CENPE: variants seen among roughly 807,000 people sequenced by gnomAD.
CENPE encodes centromere-associated protein E.
A neutral mutation model predicts 336.1 loss-of-function variants in CENPE; 145 were observed. The observed-to-expected ratio is 0.43, with a 90% confidence interval of 0.38 to 0.50. The LOEUF (loss-of-function observed/expected upper bound fraction) is 0.50, where lower values mean the gene tolerates loss of function less well. CENPE is among the 20% of genes least tolerant of loss of function. The pLI, the probability that CENPE is intolerant of heterozygous loss-of-function variation, is 0.00. For synonymous variants in CENPE, 1,013 were observed against 984.8 expected (o/e 1.03, Z -0.54); for missense variants, 2,719 against 3,023.3 (o/e 0.90, Z 2.36).
At chr4:103,145,386 C>A in intron 31 of CENPE, 52 bp from the exon 32 acceptor site, 1 of 1,349,196 alleles carries the variant, frequency 7.4e-7, no homozygotes, top group Non-Finnish European at 1.0e-6. Context: ...TGTAAACACA[C>A]ACACACACAT....
intron 45 of CENPE, 71 bp from the exon 46 acceptor site, chr4:103,114,623 T>C (rs915012516): frequency 2.2e-6 from 2 of 922,464 alleles, no homozygotes; most frequent in South Asian, 1.4e-5. Context: ...ACAGAACTGC[T>C]GTGAAGGATT....
intron 47 of CENPE, among the ~76,000 whole-genome samples, chr4:103,110,606 T>C (rs1313195473): frequency 6.6e-6 from 1 of 152,156 alleles, no homozygotes; most frequent in African/African-American, 2.4e-5. Context: ...TCCTATTTCT[T>C]GCCTTGGTTA....
chr4:103,157,413 A>G (rs922019922), intron 24 of CENPE, among the ~76,000 whole-genome samples: 12 of 152,194 alleles, frequency 7.9e-5, no homozygotes, highest in African/African-American at 2.9e-4. Flanking sequence ...ACTCATAAAA[A>G]GGAAGGAAAT....
At chr4:103,193,994 C>T (rs999266664) in intron 8 of CENPE, among the ~76,000 whole-genome samples, 1 of 151,950 alleles carries the variant, frequency 6.6e-6, no homozygotes, top group African/African-American at 2.4e-5. Context: ...ATAGCCCTGA[C>T]ATTTAAATTT....
At chr4:103,194,478 T>A in intron 6 of CENPE, 37 bp from the exon 7 acceptor site, 1 of 1,501,010 alleles carries the variant, frequency 6.7e-7, no homozygotes, top group Non-Finnish European at 9.1e-7. Context: ...GCATATATAA[T>A]AAAATCCATA....
Position 103,140,852 on chromosome 4 carries a change from C to G in CENPE, c.5716G>C (p.Asp1906His). ...TCTTGCAGGCTTTCCTTGAGTTGGTCTCTCTCCAGTTTGAGTGTCTCCTCT... is the reference window on the plus strand; with the variant it reads ...TCTTGCAGGCTTTCCTTGAGTTGGTGTCTCTCCAGTTTGAGTGTCTCCTCT... The part of the protein sequence containing the change: ...RVEETLKLER[D>H]QLKESLQETK... The change falls in exon 36 of 49, where the codon GAC becomes CAC. Residue 1906 changes from aspartate (D) to histidine (H), a missense_variant. Asp to His is a moderately conservative substitution (Grantham distance 81). Coordinates refer to ENST00000265148, the MANE Select transcript of CENPE (RefSeq NM_001813.3). 1 of 1,601,966 alleles carries G rather than the reference C, an allele frequency of 6.2e-7. No individual in the cohort carries two copies. The highest frequency in any genetic ancestry group is 8.5e-7 in the Non-Finnish European group (1 of 1,176,630).
chr4:103,116,750 T>C, intron 44 of CENPE, 61 bp from the exon 45 acceptor site: 2 of 819,514 alleles, frequency 2.4e-6, no homozygotes, highest in Non-Finnish European at 1.9e-6. Flanking sequence ...TCTCCAGTTG[T>C]AAAGAATGGT....
intron 45 of CENPE, among the ~76,000 whole-genome samples, chr4:103,115,411 G>A (rs2125849607): frequency 6.6e-6 from 1 of 152,138 alleles, no homozygotes; most frequent in East Asian, 1.9e-4. Flanking sequence ...TGGGATCACA[G>A]GCGTGAGCCA....
At chr4:103,192,446 T>C (rs1462152452) in intron 8 of CENPE, among the ~76,000 whole-genome samples, 2 of 152,216 alleles carry the variant, frequency 1.3e-5, no homozygotes, top group Non-Finnish European at 2.9e-5. Flanking sequence ...AAGCAATGGT[T>C]AGTATATTCG....
rs1185627502 is a variant in CENPE at position 103,116,619 on chromosome 4, A to T, written c.7400T>A (p.Ile2467Lys). 1 of 1,593,088 alleles carries T rather than the reference A, an allele frequency of 6.3e-7. No individual in the cohort carries two copies. Among genetic ancestry groups the T allele is most frequent in the Non-Finnish European group, 8.5e-7 (1 of 1,171,334 alleles). Residue 2467 changes from isoleucine (I) to lysine (K), a missense_variant, in exon 45 of 49, where the codon ATA becomes AAA. Physicochemically the swap from Ile to Lys is moderately radical, Grantham distance 102. Coordinates refer to ENST00000265148, the MANE Select transcript of CENPE (RefSeq NM_001813.3). ...GGCATTTTTCATTTTCTCTAGGTCT[A>T]TTTTCACAAGCTTCATTTTGAGATC... Reference protein sequence around the residue: ...IEDLKMKLVKIDLEKMKNAKE... With the variant: ...IEDLKMKLVKKDLEKMKNAKE...
chr4:103,183,582 C>T (rs1756501343), intron 9 of CENPE, among the ~76,000 whole-genome samples: 1 of 152,068 alleles, frequency 6.6e-6, no homozygotes, highest in African/African-American at 2.4e-5. Flanking sequence ...TTCTCTAGCT[C>T]TTCAGTTCAA....
Position 103,183,297 on chromosome 4 carries a change from A to G in CENPE, c.746-9T>C. ...TTCCTTGAGCCGCACACCTGAATTT[A>G]TTAAACAAATATGAAAACTAAACTT... is the stretch of plus-strand genomic sequence containing the variant. On this transcript the variant is annotated splice_polypyrimidine_tract_variant and intron_variant, in intron 9 of 48. Transcript: ENST00000265148. 4 of 1,603,218 alleles carry G rather than the reference A, an allele frequency of 2.5e-6. No homozygotes were observed. Among genetic ancestry groups the G allele is most frequent in the Non-Finnish European group, 3.4e-6 (4 of 1,173,870 alleles).
intron 16 of CENPE, among the ~76,000 whole-genome samples, chr4:103,167,429 T>C (rs1755016370): frequency 6.6e-6 from 1 of 152,144 alleles, no homozygotes. Flanking sequence ...TTTTAAAATA[T>C]AAATGAAGAA....
rs1752499729 is a variant in CENPE, at chr4:103,140,885, T to C, written c.5683A>G (p.Arg1895Gly). ...AGTTTGAGTGTCTCCTCTACTCTTC[T>C]TAGATTATCTCTTTCTTTCATTACA... Reference protein sequence around the residue: ...KSVMKERDNLRRVEETLKLER... With the variant: ...KSVMKERDNLGRVEETLKLER... Residue 1895 changes from arginine to glycine, a missense_variant, in exon 36 of 49, where the codon AGA becomes GGA. Around this residue, in one of 5 missense-constraint regions of CENPE, gnomAD observed 2,437 missense variants for 2,513.3 expected, o/e 0.97. Coordinates refer to ENST00000265148, the MANE Select transcript of CENPE (RefSeq NM_001813.3). 1 of 1,612,464 alleles carries C rather than the reference T, an allele frequency of 6.2e-7. No individual in the cohort carries two copies.
intron 21 of CENPE, 54 bp from the exon 22 acceptor site, chr4:103,159,378 C>G: frequency 9.5e-7 from 1 of 1,053,530 alleles, no homozygotes; most frequent in Non-Finnish European, 1.3e-6. Flanking sequence ...TTCACTGAAG[C>G]AATTTTTAGG....
chr4:103,115,926 T>A (rs979537557), intron 45 of CENPE, among the ~76,000 whole-genome samples: 227 of 151,084 alleles, frequency 1.5e-3, no homozygotes, highest in African/African-American at 5.3e-3. Flanking sequence ...AGAGGCGGGG[T>A]TTCACCGTGT....
rs1333081703 is a variant in CENPE at position 103,192,820 on chromosome 4, TAG to T, written c.693+1407_693+1408del. The stretch of plus-strand genomic sequence containing the variant: ...GACATGAATTAGAATTCAGAGACTA[TAG>T]GTAAAATATTTGGCAGTCATCAACA... On this transcript the variant is annotated intron_variant, in intron 8 of 48. Coordinates refer to ENST00000265148, the MANE Select transcript of CENPE (RefSeq NM_001813.3). Among the ~76,000 whole-genome samples, 4 of 152,090 alleles carry T rather than the reference TAG, an allele frequency of 2.6e-5. No individual in the cohort carries two copies. The East Asian group carries it at 7.7e-4, about 29-fold the overall frequency.
intron 45 of CENPE, 86 bp from the exon 46 acceptor site, chr4:103,114,638 A>AATATATACATATATATGTAT: frequency 1.3e-6 from 1 of 781,014 alleles, no homozygotes; most frequent in Non-Finnish European, 2.1e-6. Context: ...AGGATTTTCT[A>AATATATACATATATATGTAT]ACACATCACA....
Position 103,164,177 on chromosome 4 carries a change from C to A in CENPE, c.1648-624G>T, listed in dbSNP as rs577854817. Among the ~76,000 whole-genome samples, 22 of 152,146 alleles carry A rather than the reference C, an allele frequency of 1.4e-4. No individual in the cohort carries two copies. In the East Asian group the frequency reaches 3.1e-3, roughly 21 times the overall value. ...TATTGCACTCCATTATATTGTTCAA[C>A]CATGTAAAAGTATAAAGGTAGAAGT... On this transcript the variant is annotated intron_variant, in intron 16 of 48. Coordinates refer to ENST00000265148, the MANE Select transcript of CENPE (RefSeq NM_001813.3).
Sources: gnomAD v4.1 joint callset for allele counts (sites outside exome capture counted in the v4.1 genomes callset) on GRCh38, gnomAD v4.1.1 for gene constraint, gnomAD v4.1.1 regional missense constraint, MANE v1.5 for transcripts, NCBI Gene and HGNC (gene_info 2026-07-23, HGNC 2026-07-21) for gene names.